Variants in SNX14 observed in about 807,000 individuals in gnomAD.
The protein encoded by SNX14 is sorting nexin-14.
Under a neutral mutation model 133.8 loss-of-function variants are expected in SNX14, and 93 were observed. The ratio of observed to expected loss-of-function variants is 0.70; its 90% CI spans 0.59 to 0.83. SNX14 has a LOEUF of 0.83. Ranked by LOEUF, SNX14 falls within the 40% of genes least tolerant of loss-of-function variation. The pLI, the probability that SNX14 is intolerant of heterozygous loss-of-function variation, is 0.00. For synonymous variants in SNX14, 368 were observed against 365.6 expected, an observed-to-expected ratio of 1.01 and a Z score of -0.07; for missense variants, 945 against 1,094.9, an observed-to-expected ratio of 0.86 and a Z score of 1.93.
intron 19 of SNX14, 142 bp downstream of exon 19, chr6:85,530,050 G>A (rs536573201): frequency 2.6e-4 from 131 of 512,422 alleles, no homozygotes; most frequent in Non-Finnish European, 3.4e-4. Context: ...GTACATTTCC[G>A]TTATCAATGA....
intron 18 of SNX14, 145 bp downstream of exon 18, chr6:85,533,454 T>C (rs1202614148): frequency 2.8e-6 from 2 of 718,802 alleles, no homozygotes; most frequent in African/African-American, 1.8e-5. Flanking sequence ...TCCTAAGCTT[T>C]CTTTCAATTT....
In SNX14 at chr6:85,543,260, T is replaced by C. The variant is rs1168767835; in HGVS notation, c.1311A>G (p.Arg437=). The C allele has an allele frequency of 1.9e-6, 3 of 1,599,898 alleles. No homozygotes were observed. The African/African-American group carries it at 4.0e-5, about 22-fold the overall frequency. The change falls in exon 14 of 29, where the codon AGA becomes AGG. Residue 437 remains arginine (R), a synonymous_variant. Coordinates refer to ENST00000314673, the MANE Select transcript of SNX14 (RefSeq NM_153816.6). The part of the protein sequence containing the change: ...YIDVVKLQTM[R]CLFEAYEHVL... Reference sequence around the variant, plus strand: ...CATGTTCATATGCTTCAAAAAGACATCTCATAGTTTGAAGTTTCACAACAT... The same window carrying C: ...CATGTTCATATGCTTCAAAAAGACACCTCATAGTTTGAAGTTTCACAACAT...
chr6:85,536,979 GT>G, intron 16 of SNX14, 55 bp from the exon 17 acceptor site: 1 of 1,488,322 alleles, frequency 6.7e-7, no homozygotes. Flanking sequence ...CAACAGTCTA[GT>G]TTATTGAAAA....
At chr6:85,523,064 A>G (rs1392947281) in intron 21 of SNX14, among the ~76,000 whole-genome samples, 1 of 152,226 alleles carries the variant, frequency 6.6e-6, no homozygotes. Context: ...AAGTAGAAGA[A>G]AAGAGTATAA....
chr6:85,557,921 G>T, intron 7 of SNX14, 55 bp downstream of exon 7: 1 of 945,786 alleles, frequency 1.1e-6, no homozygotes, highest in Non-Finnish European at 1.7e-6. Context: ...TATTTCGGGT[G>T]AAAATTGGTG....
chr6:85,534,886 G>A (rs1473601769), intron 17 of SNX14, among the ~76,000 whole-genome samples: 1 of 146,780 alleles, frequency 6.8e-6, no homozygotes, highest in East Asian at 2.0e-4. Context: ...AGCGGTTTCT[G>A]GGTGGTAGAT....
chr6:85,554,719 G>A (rs1789064948), intron 7 of SNX14, among the ~76,000 whole-genome samples: 1 of 152,058 alleles, frequency 6.6e-6, no homozygotes, highest in Non-Finnish European at 1.5e-5. Flanking sequence ...TATAATTGAG[G>A]ATGATTTTTT....
intron 27 of SNX14, 93 bp downstream of exon 27, chr6:85,507,875 T>C (rs1330062834): frequency 3.5e-6 from 3 of 852,554 alleles, no homozygotes; most frequent in East Asian, 5.5e-5. Context: ...TTTAGTATAG[T>C]GTCATTTATA....
At chr6:85,514,295 G>A in intron 24 of SNX14, 61 bp from the exon 25 acceptor site, 1 of 1,547,640 alleles carries the variant, frequency 6.5e-7, no homozygotes, top group East Asian at 2.3e-5. Flanking sequence ...TTTGAAATTT[G>A]CCAATGTAGA....
At chr6:85,513,937 A>G (rs1773861399) in intron 25 of SNX14, 42 bp from the exon 26 acceptor site, 2 of 1,572,154 alleles carry the variant, frequency 1.3e-6, no homozygotes, top group Non-Finnish European at 1.7e-6. Flanking sequence ...ATTTTCATCT[A>G]TTTATACACA....
intron 1 of SNX14, among the ~76,000 whole-genome samples, chr6:85,585,273 A>C (rs1173350840): frequency 1.3e-5 from 2 of 152,122 alleles, no homozygotes; most frequent in Non-Finnish European, 2.9e-5. Context: ...CATTAGGAGA[A>C]ATACCTAATG....
intron 17 of SNX14, among the ~76,000 whole-genome samples, chr6:85,534,837 T>TG (rs967243352): frequency 6.6e-6 from 1 of 150,862 alleles, no homozygotes; most frequent in Non-Finnish European, 1.5e-5. Flanking sequence ...GAAAGTTTTT[T>TG]TTTTTTTTTT....
At chr6:85,522,142 G>A (rs1777099092) in intron 21 of SNX14, among the ~76,000 whole-genome samples, 1 of 152,216 alleles carries the variant, frequency 6.6e-6, no homozygotes, top group Admixed American at 6.5e-5. Context: ...CTTCGTAGGA[G>A]TTCAAATGTA....
Position 85,528,232 on chromosome 6 carries a change from C to T in SNX14, c.1995+30G>A, listed in dbSNP as rs1367263744. The T allele has an allele frequency of 2.0e-6, 3 of 1,477,510 alleles. No individual in the cohort carries two copies. In the Admixed American group the frequency reaches 5.2e-5, roughly 26 times the overall value. 91.5% of individuals were successfully genotyped at this position (1,477,510 alleles called of 1,614,324 possible). On this transcript the variant is annotated intron_variant, in intron 20 of 28. Transcript: ENST00000314673. ...AATTAGAGAATGCTATGATTAGCAA[C>T]ATTTGGAATTAATACAGTTGATGTT...
intron 15 of SNX14, among the ~76,000 whole-genome samples, chr6:85,541,303 T>C (rs953312619): frequency 6.6e-6 from 1 of 152,242 alleles, no homozygotes; most frequent in Admixed American, 6.5e-5. Flanking sequence ...ATTAACATTC[T>C]TTCATTGGAA....
rs1391987698 is a variant in SNX14, at chr6:85,506,038, C to A, written c.2803-33G>T. On this transcript the variant is annotated intron_variant, in intron 28 of 28. Transcript: ENST00000314673. ...AAAAATAAATCCATTTAATAGAAGA[C>A]AAGACACAGGTTCATTTGTAAATTG... 2.8e-6 allele frequency: 4 copies of A among 1,407,016 alleles called. No homozygotes were observed. The Admixed American group carries it at 5.1e-5, about 18-fold the overall frequency. The allele number at this position is 1,407,016 out of a possible 1,614,324, so 87.2% of individuals were successfully genotyped here.
chr6:85,567,019 T>G (rs1253067996), intron 5 of SNX14, among the ~76,000 whole-genome samples: 5 of 152,196 alleles, frequency 3.3e-5, no homozygotes, highest in Admixed American at 3.3e-4. Flanking sequence ...GGAAAAGTAC[T>G]GAAGCTATCT....
At chr6:85,570,219 T>C (rs1478367269) in intron 4 of SNX14, among the ~76,000 whole-genome samples, 9 of 152,230 alleles carry the variant, frequency 5.9e-5, no homozygotes, top group Non-Finnish European at 1.0e-4. Flanking sequence ...GCCCAGTTCC[T>C]ACCTATAAGA....
chr6:85,554,303 C>A lies in SNX14; in HGVS notation c.634+3673G>T, dbSNP rs1019539847. Among the ~76,000 whole-genome samples, 20 of 151,614 alleles carry A rather than the reference C, an allele frequency of 1.3e-4. 1 individual carries two copies. Among genetic ancestry groups the A allele is most frequent in the African/African-American group, 4.4e-4 (18 of 41,254 alleles). ...TATATTCATATATTTCATATACACA[C>A]ATGTGTATATATATACACACACATA... On this transcript the variant is annotated intron_variant, in intron 7 of 28. Coordinates refer to ENST00000314673, the MANE Select transcript of SNX14 (RefSeq NM_153816.6).
Sources: allele counts gnomAD v4.1 joint callset (sites outside exome capture counted in the v4.1 genomes callset), GRCh38; gene constraint gnomAD v4.1.1; transcripts MANE v1.5; gene names NCBI Gene and HGNC (gene_info 2026-07-23, HGNC 2026-07-21).